The following FHIT variants were observed in gnomAD, a reference collection of about 807,000 sequenced individuals.
FHIT encodes the protein fragile histidine triad diadenosine triphosphatase, also known as bis(5'-adenosyl)-triphosphatase.
A neutral mutation model predicts 17.9 loss-of-function variants in FHIT; 19 were observed. The ratio of observed to expected loss-of-function variants is 1.06; its 90% CI spans 0.74 to 1.56. The LOEUF (loss-of-function observed/expected upper bound fraction) is 1.56, where lower values mean the gene tolerates loss of function less well. FHIT is among the 40% of genes most tolerant of loss of function. FHIT has a pLI of 0.00. For synonymous variants in FHIT, 81 were observed against 69.7 expected, an observed-to-expected ratio of 1.16 and a Z score of -0.81; for missense variants, 248 against 189.2, an observed-to-expected ratio of 1.31 and a Z score of -1.82.
rs181847817 is a variant in FHIT, at chr3:59,749,549, C to G, written c.*36G>C. On this transcript the variant is annotated 3_prime_UTR_variant, in exon 10 of 10. Transcript: ENST00000492590. ...GTCTTCAAACTGGTTGGCAATAGCT[C>G]TTTTGCTGGAATTCAGGATCTGAAA... The G allele has an allele frequency of 8.6e-6, 2 of 231,218 alleles. No individual in the cohort carries two copies. The highest frequency in any genetic ancestry group is 6.1e-5 in the East Asian group (1 of 16,382). 14.3% of individuals were successfully genotyped at this position (231,218 alleles called of 1,614,324 possible).
At chr3:60,874,214 T>C (rs1055969213) in intron 3 of FHIT, among the ~76,000 whole-genome samples, 13 of 152,094 alleles carry the variant, frequency 8.5e-5, no homozygotes, top group African/African-American at 3.1e-4. Flanking sequence ...TTTAATAAAA[T>C]AAAGGCTAGT....
chr3:60,018,274 G>C (rs768311805), intron 5 of FHIT, among the ~76,000 whole-genome samples: 5 of 152,100 alleles, frequency 3.3e-5, no homozygotes, highest in African/African-American at 7.2e-5. Flanking sequence ...GAGCTCACTG[G>C]TTACCACAAA....
At chr3:60,932,395 C>G (rs1392678309) in intron 3 of FHIT, among the ~76,000 whole-genome samples, 1 of 152,134 alleles carries the variant, frequency 6.6e-6, no homozygotes, top group Non-Finnish European at 1.5e-5. Context: ...GTGGTCTCTT[C>G]CTTACTGATC....
At chr3:59,854,286 G>T (rs1051434720) in intron 8 of FHIT, among the ~76,000 whole-genome samples, 4 of 152,130 alleles carry the variant, frequency 2.6e-5, no homozygotes, top group Non-Finnish European at 5.9e-5. Flanking sequence ...ATTCCAGGGG[G>T]AAGAACCCAC....
At chr3:60,722,642 T>G (rs1335920948) in intron 4 of FHIT, among the ~76,000 whole-genome samples, 1 of 151,710 alleles carries the variant, frequency 6.6e-6, no homozygotes, top group Non-Finnish European at 1.5e-5. Context: ...ACAAAATGTC[T>G]TCAGACATGG....
At chr3:60,309,489 T>A (rs1197380419) in intron 5 of FHIT, among the ~76,000 whole-genome samples, 1 of 152,196 alleles carries the variant, frequency 6.6e-6, no homozygotes, top group Non-Finnish European at 1.5e-5. Context: ...ACAAAACTTT[T>A]TGTTTAAGCC....
intron 2 of FHIT, among the ~76,000 whole-genome samples, chr3:61,130,877 TAACCC>T (rs2036743228): frequency 6.6e-6 from 1 of 152,196 alleles, no homozygotes; most frequent in Non-Finnish European, 1.5e-5. Flanking sequence ...ATAAGACACT[TAACCC>T]TTTGGGTTTC....
intron 5 of FHIT, among the ~76,000 whole-genome samples, chr3:60,217,302 T>A (rs977231138): frequency 6.6e-6 from 1 of 152,206 alleles, no homozygotes; most frequent in South Asian, 2.1e-4. Context: ...GTGTGTTAGA[T>A]GAAGACAGAT....
chr3:60,934,558 C>A (rs1708105549), intron 3 of FHIT, among the ~76,000 whole-genome samples: 1 of 152,216 alleles, frequency 6.6e-6, no homozygotes, highest in African/African-American at 2.4e-5. Flanking sequence ...TAGGTCTCTA[C>A]TGTGTCTCAA....
intron 5 of FHIT, among the ~76,000 whole-genome samples, chr3:60,066,204 T>G (rs1428701984): frequency 6.6e-6 from 1 of 152,252 alleles, no homozygotes; most frequent in South Asian, 2.1e-4. Flanking sequence ...AGAGCTCTTT[T>G]ATTTAAAAAA....
chr3:60,778,780 C>T (rs1700286558), intron 4 of FHIT, among the ~76,000 whole-genome samples: 1 of 152,068 alleles, frequency 6.6e-6, no homozygotes, highest in Admixed American at 6.5e-5. Flanking sequence ...GTTATTTTAC[C>T]AAGGTTTTGA....
intron 4 of FHIT, among the ~76,000 whole-genome samples, chr3:60,549,755 A>G (rs2036484421): frequency 6.6e-6 from 1 of 152,222 alleles, no homozygotes; most frequent in South Asian, 2.1e-4. Flanking sequence ...CTCCTAGGCA[A>G]CCAGGAAGTC....
At chr3:60,881,880 T>C (rs1179647431) in intron 3 of FHIT, among the ~76,000 whole-genome samples, 2 of 151,618 alleles carry the variant, frequency 1.3e-5, no homozygotes, top group African/African-American at 4.8e-5. Flanking sequence ...CCAAAATTAG[T>C]ACAAGGAAAG....
intron 5 of FHIT, among the ~76,000 whole-genome samples, chr3:60,382,916 C>T (rs1700865424): frequency 6.6e-6 from 1 of 152,212 alleles, no homozygotes; most frequent in African/African-American, 2.4e-5. Flanking sequence ...CATGCTTCAA[C>T]ACCTTTACCT....
intron 1 of FHIT, among the ~76,000 whole-genome samples, chr3:61,203,303 T>G (rs2039092018): frequency 6.6e-6 from 1 of 150,936 alleles, no homozygotes; most frequent in Non-Finnish European, 1.5e-5. Context: ...GAGCTGAAAT[T>G]GCACCATTGC....
chr3:60,105,386 A>G (rs747593428), intron 5 of FHIT, among the ~76,000 whole-genome samples: 1 of 152,216 alleles, frequency 6.6e-6, no homozygotes, highest in Non-Finnish European at 1.5e-5. Context: ...TTTGTGCTCT[A>G]TGCCAACAAA....
At chr3:60,776,702 G>A (rs1258837950) in intron 4 of FHIT, among the ~76,000 whole-genome samples, 1 of 152,202 alleles carries the variant, frequency 6.6e-6, no homozygotes, top group East Asian at 1.9e-4. Flanking sequence ...TTAGTTTACA[G>A]TTAAAAATTG....
chr3:60,934,835 A>G (rs1708118883), intron 3 of FHIT, among the ~76,000 whole-genome samples: 1 of 152,178 alleles, frequency 6.6e-6, no homozygotes, highest in South Asian at 2.1e-4. Context: ...GGAAAAAATG[A>G]GTCAAAAATC....
intron 8 of FHIT, among the ~76,000 whole-genome samples, chr3:59,858,491 G>A (rs909480764): frequency 2.0e-5 from 3 of 152,062 alleles, no homozygotes; most frequent in Admixed American, 2.0e-4. Flanking sequence ...CTCCCAAAGT[G>A]CTGGGATTAC....
Sources: allele counts gnomAD v4.1 joint callset (sites outside exome capture counted in the v4.1 genomes callset), GRCh38; gene constraint gnomAD v4.1.1; transcripts MANE v1.5; gene names NCBI Gene and HGNC (gene_info 2026-07-23, HGNC 2026-07-21).